RNF157: variants seen among roughly 807,000 people sequenced by gnomAD.
RNF157 encodes the protein E3 ubiquitin ligase RNF157.
Under a neutral mutation model 88.3 loss-of-function variants are expected in RNF157, and 55 were observed. The observed-to-expected ratio is 0.62, with a 90% CI of 0.50 to 0.78. The LOEUF is 0.78. Ranked by LOEUF, RNF157 falls within the 30% of genes least tolerant of loss-of-function variation. The pLI is 0.00. For synonymous variants in RNF157, 334 were observed against 341.2 expected (o/e 0.98, Z 0.23); for missense variants, 788 against 860.8 (o/e 0.92, Z 1.06).
intron 9 of RNF157, 34 bp downstream of exon 9, chr17:76,162,518 A>C (rs778418010): frequency 1.3e-6 from 2 of 1,539,050 alleles, no homozygotes; most frequent in Admixed American, 3.4e-5. Context: ...GGCCTCCTGG[A>C]AAGAGTACAT....
chr17:76,154,169 C>G, intron 17 of RNF157, 114 bp downstream of exon 17: 1 of 774,676 alleles, frequency 1.3e-6, no homozygotes, highest in Non-Finnish European at 2.3e-6. Context: ...TCTAACAGCC[C>G]CATACAACTG....
intron 18 of RNF157, among the ~76,000 whole-genome samples, chr17:76,151,431 G>A (rs895568273): frequency 2.6e-5 from 4 of 152,190 alleles, no homozygotes; most frequent in Non-Finnish European, 4.4e-5. Context: ...CAGCCACGTC[G>A]CTGAGCGAGT....
chr17:76,161,607 T>A lies in RNF157; in HGVS notation c.993A>T (p.Lys331Asn). The change falls in exon 11 of 19, where the codon AAA becomes AAT. Residue 331 changes from lysine (K) to asparagine (N), a missense_variant. Transcript: ENST00000269391. The surrounding 1 kb of genome is among the most constrained non-coding windows in gnomAD (Gnocchi z 4.6). ...AGCTGGTTGGGGACAAGGGGCCCAATTTTTTCCTCATGGCTCGGATCTGAA... is the reference window on the plus strand; with the variant it reads ...AGCTGGTTGGGGACAAGGGGCCCAAATTTTTCCTCATGGCTCGGATCTGAA... ...ALLQIRAMRK[K>N]LGPLSPTSFN... 6.2e-7 allele frequency: 1 copy of A among 1,614,100 alleles called. No homozygotes were observed. Among genetic ancestry groups the A allele is most frequent in the Non-Finnish European group, 8.5e-7 (1 of 1,179,998 alleles).
At position 76,157,035 on chromosome 17, in the gene RNF157, T is replaced by C. The variant is rs550420945; in HGVS notation, c.1414-714A>G. ...AGGCTGGAGTGCAGTGGTGCGGTCT[T>C]GGCTCACTGCAACCCCTGCCTCCTG... On this transcript the variant is annotated intron_variant, in intron 13 of 18. Coordinates refer to ENST00000269391, the MANE Select transcript of RNF157 (RefSeq NM_052916.3). The surrounding 1 kb of genome is among the most constrained non-coding windows in gnomAD (Gnocchi z 5.6). Among the ~76,000 whole-genome samples the C allele has an allele frequency of 1.2e-4, 18 of 152,056 alleles. No homozygotes were observed. Among genetic ancestry groups the C allele is most frequent in the African/African-American group, 4.1e-4 (17 of 41,454 alleles).
At chr17:76,166,624 A>C in intron 5 of RNF157, 97 bp from the exon 6 acceptor site, 1 of 997,288 alleles carries the variant, frequency 1.0e-6, no homozygotes, top group South Asian at 1.3e-5. Context: ...AAGAAGCATT[A>C]ATCTCATCTC....
intron 2 of RNF157, among the ~76,000 whole-genome samples, chr17:76,206,024 G>A (rs1598429341): frequency 1.3e-5 from 2 of 152,154 alleles, no homozygotes; most frequent in Non-Finnish European, 2.9e-5. Flanking sequence ...GAGCAAAGGA[G>A]TTTGAGACCA....
In RNF157 at chr17:76,212,379, C is replaced by G. The variant is rs756937893; in HGVS notation, c.192G>C (p.Gly64=). The G allele has an allele frequency of 2.7e-5, 44 of 1,611,504 alleles. 1 individual carries two copies. The South Asian group carries it at 4.6e-4, about 17-fold the overall frequency. Residue 64 remains glycine, a synonymous_variant, in exon 2 of 19, where the codon GGG becomes GGC. Coordinates refer to ENST00000269391, the MANE Select transcript of RNF157 (RefSeq NM_052916.3). ...FGENSDLNFL[G]NRPVVFPYAA... The stretch of plus-strand genomic sequence containing the variant: ...ACAGCCATACCACAACTGGTCTGTT[C>G]CCCAGAAAGTTCAGATCGCTGTTCT...
At chr17:76,177,800 G>A (rs2069129063) in intron 2 of RNF157, among the ~76,000 whole-genome samples, 1 of 152,126 alleles carries the variant, frequency 6.6e-6, no homozygotes, top group Admixed American at 6.5e-5. Context: ...TCTGCTGATA[G>A]CTGCAGAGAT....
intron 3 of RNF157, among the ~76,000 whole-genome samples, chr17:76,172,607 C>CA (rs35297368): frequency 0.011 from 344 of 31,696 alleles, 43 homozygotes; most frequent in African/African-American, 0.022. Context: ...AACTCCATCT[C>CA]AAAAAAAAAA....
At chr17:76,194,811 C>A (rs543539452) in intron 2 of RNF157, among the ~76,000 whole-genome samples, 2 of 152,084 alleles carry the variant, frequency 1.3e-5, no homozygotes, top group Non-Finnish European at 2.9e-5. Context: ...GTCAGGAGAT[C>A]GAGACCATCC....
chr17:76,216,969 T>A (rs1188027118), intron 1 of RNF157, among the ~76,000 whole-genome samples: 2 of 152,136 alleles, frequency 1.3e-5, no homozygotes, highest in Non-Finnish European at 2.9e-5. Context: ...TGTATACTTA[T>A]AACTGGGAAT....
At position 76,146,436 on chromosome 17, in the gene RNF157, TCCTCCCTCCAGTGC is replaced by T. The variant is rs995386693; in HGVS notation, c.1922-1097_1922-1084del. 56 of 985,560 alleles carry T rather than the reference TCCTCCCTCCAGTGC, an allele frequency of 5.7e-5. No homozygotes were observed. Among genetic ancestry groups the T allele is most frequent in the South Asian group, 2.8e-4 (6 of 21,282 alleles). 61.1% of individuals were successfully genotyped at this position (985,560 alleles called of 1,614,324 possible). On this transcript the variant is annotated intron_variant, in intron 18 of 18. Coordinates refer to ENST00000269391, the MANE Select transcript of RNF157 (RefSeq NM_052916.3). This position sits in a 1 kb window ranked among gnomAD's most constrained non-coding sequence, Gnocchi z 4.2. ...CTTCATCTCCTGCCCACAGATGAGC[TCCTCCCTCCAGTGC>T]CCTCCCTCCAGTGAGGCTAGGGCGC...
chr17:76,184,062 G>A (rs1347051888), intron 2 of RNF157, among the ~76,000 whole-genome samples: 7 of 151,892 alleles, frequency 4.6e-5, no homozygotes, highest in South Asian at 2.1e-4. Context: ...ACAGCGGCAC[G>A]CGCCTGTAAT....
At chr17:76,154,476 G>C in intron 16 of RNF157, 148 bp from the exon 17 acceptor site, 2 of 671,372 alleles carry the variant, frequency 3.0e-6, no homozygotes, top group East Asian at 2.6e-5. Context: ...ATATGCCTCA[G>C]AGGCTGAGTA....
At chr17:76,219,780 T>C (rs941441191) in intron 1 of RNF157, among the ~76,000 whole-genome samples, 1 of 152,146 alleles carries the variant, frequency 6.6e-6, no homozygotes, top group South Asian at 2.1e-4. Context: ...TACATCTCAA[T>C]AGGAAAGAAA....
chr17:76,178,977 C>G (rs2069148144), intron 2 of RNF157, among the ~76,000 whole-genome samples: 1 of 152,178 alleles, frequency 6.6e-6, no homozygotes, highest in Non-Finnish European at 1.5e-5. Context: ...ATTAAAAGAT[C>G]TGAAGACACA....
At chr17:76,203,743 C>T (rs1789690091) in intron 2 of RNF157, among the ~76,000 whole-genome samples, 2 of 149,936 alleles carry the variant, frequency 1.3e-5, no homozygotes, top group Non-Finnish European at 3.0e-5. Flanking sequence ...TGACCCACCA[C>T]GCCTGGCCTG....
At chr17:76,167,159 C>T in intron 4 of RNF157, 33 bp from the exon 5 acceptor site, 1 of 1,511,600 alleles carries the variant, frequency 6.6e-7, no homozygotes, top group Non-Finnish European at 9.2e-7. Context: ...AAGCAAAAGT[C>T]AGTATCCGGC....
At position 76,147,907 on chromosome 17, in the gene RNF157, T is replaced by A. The variant is rs2068609660; in HGVS notation, c.1922-2554A>T. 3.9e-5 allele frequency among the ~76,000 whole-genome samples: 6 copies of A among 152,100 alleles called. No individual in the cohort carries two copies. In the South Asian group the frequency reaches 1.2e-3, roughly 32 times the overall value. On this transcript the variant is annotated intron_variant, in intron 18 of 18. Transcript: ENST00000269391. ...GTTTTTGGGATATCAAAAATGGGAG[T>A]ATGAAGAGACCTCTAGAGGTAGATT...
Sources: allele counts gnomAD v4.1 joint callset (sites outside exome capture counted in the v4.1 genomes callset), GRCh38; gene constraint gnomAD v4.1.1; non-coding constraint Gnocchi (gnomAD v3.1); transcripts MANE v1.5; gene names NCBI Gene and HGNC (gene_info 2026-07-23, HGNC 2026-07-21).